The following ZDHHC15 variants were observed in gnomAD, a reference collection of about 807,000 sequenced individuals.
ZDHHC15 encodes zDHHC palmitoyltransferase 15.
Under a neutral mutation model 31.7 loss-of-function variants are expected in ZDHHC15, and 19 were observed. That is an observed-to-expected ratio of 0.60 (90% CI 0.42 to 0.88). The LOEUF is 0.88. Among genes scored for constraint, ZDHHC15 ranks in the 40% least tolerant of loss-of-function variants. ZDHHC15 has a pLI of 0.00. For missense variants in ZDHHC15, 209 were observed against 251.2 expected (o/e 0.83, Z 1.14); for synonymous variants, 103 against 90.0 (o/e 1.14, Z -0.82).
rs779676193 is a variant in ZDHHC15 at position 75,421,997 on chromosome X, C to T, written c.737-7G>A. The T allele has an allele frequency of 5.0e-6, 6 of 1,202,009 alleles. No homozygotes were observed. In the East Asian group the frequency reaches 1.5e-4, roughly 30 times the overall value. ...ACTGGAGTGCAGAAGGCCTCTAAGG[C>T]AGGGCAGGAGAGTTGAAGAAAAGAG... On this transcript the variant is annotated splice_region_variant and splice_polypyrimidine_tract_variant and intron_variant, in intron 8 of 11. Transcript: ENST00000373367.
At chrX:75,482,613 A>G (rs2084708615) in intron 2 of ZDHHC15, among the ~76,000 whole-genome samples, 1 of 111,694 alleles carries the variant, frequency 9.0e-6, no homozygotes, top group South Asian at 3.8e-4. Context: ...AGTGAGTCTC[A>G]TAAGTTTGCC....
At chrX:75,486,048 AT>A (rs2084773078) in intron 2 of ZDHHC15, among the ~76,000 whole-genome samples, 1 of 111,912 alleles carries the variant, frequency 8.9e-6, no homozygotes. Flanking sequence ...ACCAAAAAAA[AT>A]CACAGACCCT....
chrX:75,396,130 G>A (rs975697078), intron 10 of ZDHHC15, among the ~76,000 whole-genome samples: 1 of 111,831 alleles, frequency 8.9e-6, no homozygotes, highest in Non-Finnish European at 1.9e-5. Flanking sequence ...GGCAACCAAA[G>A]CAAAAATAGA....
intron 2 of ZDHHC15, chrX:75,502,043 C>A (rs1260503051): frequency 8.9e-6 from 1 of 111,894 alleles, no homozygotes; most frequent in Non-Finnish European, 1.9e-5. Context: ...ACCTAATATT[C>A]TTGTATCAGT....
intron 11 of ZDHHC15, among the ~76,000 whole-genome samples, chrX:75,374,592 TTA>T (rs1333698966): frequency 1.8e-5 from 2 of 109,364 alleles, no homozygotes; most frequent in African/African-American, 6.6e-5. Context: ...TATAGCAGCT[TTA>T]TGTGTATGAG....
intron 2 of ZDHHC15, among the ~76,000 whole-genome samples, chrX:75,490,062 C>A (rs1298014332): frequency 9.0e-6 from 1 of 111,487 alleles, no homozygotes; most frequent in Non-Finnish European, 1.9e-5. Flanking sequence ...AAGAAACGAA[C>A]AAAGCCTCCA....
chrX:75,506,262 G>C (rs1004499575), intron 1 of ZDHHC15, among the ~76,000 whole-genome samples: 2 of 111,591 alleles, frequency 1.8e-5, no homozygotes, highest in Non-Finnish European at 3.8e-5. Flanking sequence ...CGTTACATAT[G>C]TATACATGTG....
intron 4 of ZDHHC15, among the ~76,000 whole-genome samples, chrX:75,444,403 G>A (rs1257731472): frequency 2.1e-5 from 2 of 97,055 alleles, no homozygotes; most frequent in Admixed American, 1.1e-4. Flanking sequence ...TCACTCATAG[G>A]TGGGAATTGA....
intron 10 of ZDHHC15, among the ~76,000 whole-genome samples, chrX:75,407,685 C>T (rs1213670245): frequency 8.8e-6 from 1 of 113,139 alleles, no homozygotes; most frequent in Non-Finnish European, 1.9e-5. Context: ...GCCCCTCTGC[C>T]CGGCCGCCAC....
At position 75,385,682 on chromosome X, in the gene ZDHHC15, T is replaced by C. The variant is rs144314720; in HGVS notation, c.968-6484A>G. Among the ~76,000 whole-genome samples the C allele has an allele frequency of 8.0e-3, 885 of 111,068 alleles. 11 individuals are homozygous for C. Among genetic ancestry groups the C allele is most frequent in the African/African-American group, 0.027 (814 of 30,535 alleles). On this transcript the variant is annotated intron_variant, in intron 10 of 11. Transcript: ENST00000373367. Reference sequence around the variant, plus strand: ...TGTCCCCCTCACTTAGCTTGGGGTGTTGCGCATTACAACCTGTGACTTTCC... The same window carrying C: ...TGTCCCCCTCACTTAGCTTGGGGTGCTGCGCATTACAACCTGTGACTTTCC...
chrX:75,476,845 G>A (rs754587228), intron 3 of ZDHHC15, among the ~76,000 whole-genome samples: 1 of 107,393 alleles, frequency 9.3e-6, no homozygotes, highest in East Asian at 3.0e-4. Context: ...TTTTGGTTTT[G>A]TTGGGTCTCT....
rs181221679 is a variant in ZDHHC15, at chrX:75,390,644, T to C, written c.968-11446A>G. ...GAGTATGCAAGAGCCACAGCATTAC[T>C]GGGCTTGAGGAGCCACCAAATGTAC... is the stretch of plus-strand genomic sequence containing the variant. On this transcript the variant is annotated intron_variant, in intron 10 of 11. Transcript: ENST00000373367. Among the ~76,000 whole-genome samples the C allele has an allele frequency of 2.9e-3, 319 of 111,699 alleles. 1 individual carries two copies. The highest frequency in any genetic ancestry group is 5.4e-3 in the Non-Finnish European group (285 of 53,131).
At chrX:75,490,066 G>A (rs6647133) in intron 2 of ZDHHC15, among the ~76,000 whole-genome samples, 19,952 of 110,740 alleles carry the variant, frequency 0.18, 1,960 homozygotes, top group East Asian at 0.85. Context: ...AACGAACAAA[G>A]CCTCCAAGAA....
chrX:75,385,132 C>T (rs956916628), intron 10 of ZDHHC15, among the ~76,000 whole-genome samples: 2 of 111,762 alleles, frequency 1.8e-5, no homozygotes, highest in African/African-American at 6.5e-5. Context: ...AAGAGTTAAT[C>T]ATTGTCTCTG....
intron 3 of ZDHHC15, among the ~76,000 whole-genome samples, chrX:75,458,090 G>A (rs1456959084): frequency 8.9e-6 from 1 of 111,929 alleles, no homozygotes; most frequent in Non-Finnish European, 1.9e-5. Flanking sequence ...ATACTTCAAT[G>A]GCTGAATGGT....
intron 4 of ZDHHC15, among the ~76,000 whole-genome samples, chrX:75,437,188 A>T (rs748344594): frequency 1.9e-4 from 21 of 110,894 alleles, no homozygotes; most frequent in African/African-American, 6.5e-4. Context: ...GCCCCTGTAA[A>T]TATCTGTTAA....
At chrX:75,388,810 T>C (rs774880825) in intron 10 of ZDHHC15, among the ~76,000 whole-genome samples, 3 of 112,050 alleles carry the variant, frequency 2.7e-5, no homozygotes, top group Non-Finnish European at 3.8e-5. Flanking sequence ...GATGGCTGAA[T>C]AGATGCCTCC....
intron 4 of ZDHHC15, among the ~76,000 whole-genome samples, chrX:75,449,077 G>A (rs756188486): frequency 4.5e-5 from 5 of 110,239 alleles, no homozygotes; most frequent in Admixed American, 9.8e-5. Context: ...TTCTCAAACC[G>A]TTTAACTCAG....
At position 75,450,684 on chromosome X, in the gene ZDHHC15, C is replaced by T. The variant is rs781718277; in HGVS notation, c.379+118G>A. 7 of 1,194,656 alleles carry T rather than the reference C, an allele frequency of 5.9e-6. No individual in the cohort carries two copies. The Admixed American group carries it at 1.6e-4, about 27-fold the overall frequency. On this transcript the variant is annotated intron_variant, in intron 4 of 11. Transcript: ENST00000373367. ...AGAAATAAAATGTGGAGAAAAATCTCCATAGTGGTTTTCAGAAGATGGGAG... is the reference window on the plus strand; with the variant it reads ...AGAAATAAAATGTGGAGAAAAATCTTCATAGTGGTTTTCAGAAGATGGGAG...
Sources: gnomAD v4.1 joint callset for allele counts (sites outside exome capture counted in the v4.1 genomes callset) on GRCh38, gnomAD v4.1.1 for gene constraint, MANE v1.5 for transcripts, NCBI Gene and HGNC (gene_info 2026-07-23, HGNC 2026-07-21) for gene names.